Variants in CAMTA1 observed in about 807,000 individuals in gnomAD.
CAMTA1 encodes the protein calmodulin-binding transcription activator 1.
A neutral mutation model predicts 170.9 loss-of-function variants in CAMTA1; 27 were observed. The observed-to-expected ratio is 0.16, with a 90% CI of 0.12 to 0.22. The LOEUF (loss-of-function observed/expected upper bound fraction) is 0.22. CAMTA1 is among the 10% of genes least tolerant of loss of function. The pLI, the probability that CAMTA1 is intolerant of heterozygous loss-of-function variation, is 1.00. For synonymous variants in CAMTA1, 833 were observed against 891.5 expected (o/e 0.93, Z 1.17); for missense variants, 1,619 against 2,217.2 (o/e 0.73, Z 5.42).
Position 6,997,271 on chromosome 1 carries a change from G to GTC in CAMTA1, c.235-94032_235-94031insCT, listed in dbSNP as rs1697409814. ...TCTTTGTTTTTTGCTTTGTGTGTGT[G>GTC]TGTGTGCGAGCCATCAGTTTGTGAG... On this transcript the variant is annotated intron_variant, in intron 3 of 22. Coordinates refer to ENST00000303635, the MANE Select transcript of CAMTA1 (RefSeq NM_015215.4). Among the ~76,000 whole-genome samples, 5 of 152,162 alleles carry GTC rather than the reference G, an allele frequency of 3.3e-5. No homozygotes were observed. In the South Asian group the frequency reaches 1.0e-3, roughly 32 times the overall value.
At chr1:6,973,151 C>T (rs1400209000) in intron 3 of CAMTA1, among the ~76,000 whole-genome samples, 1 of 152,206 alleles carries the variant, frequency 6.6e-6, no homozygotes, top group East Asian at 1.9e-4. Context: ...CACGCCTAGC[C>T]GTCTGAACAG....
intron 3 of CAMTA1, among the ~76,000 whole-genome samples, chr1:7,015,149 A>C (rs1044649687): frequency 6.6e-6 from 1 of 152,082 alleles, no homozygotes; most frequent in Non-Finnish European, 1.5e-5. Context: ...CCAGTCCTCA[A>C]AGAGGTTCTT....
At chr1:7,290,200 ATGGCC>A (rs1672922044) in intron 5 of CAMTA1, among the ~76,000 whole-genome samples, 2 of 152,218 alleles carry the variant, frequency 1.3e-5, no homozygotes, top group Non-Finnish European at 2.9e-5. Context: ...TCGTGTGGAC[ATGGCC>A]TGGCAGAGGG....
At position 6,875,646 on chromosome 1, in the gene CAMTA1, G is replaced by A. The variant is rs972889935; in HGVS notation, c.234+50436G>A. Among the ~76,000 whole-genome samples, 6 of 152,170 alleles carry A rather than the reference G, an allele frequency of 3.9e-5. No homozygotes were observed. The East Asian group carries it at 7.7e-4, about 20-fold the overall frequency. On this transcript the variant is annotated intron_variant, in intron 3 of 22. Transcript: ENST00000303635. ...AGGCCCCTAGCTGGCTTCAACAACC[G>A]CCCCTCTTCCTGCCCCCCATGGAGG...
rs1235566484 is a variant in CAMTA1 at position 7,664,653 on chromosome 1, G to C, written c.2106G>C (p.Glu702Asp). 1.2e-6 allele frequency: 2 copies of C among 1,606,082 alleles called. No individual in the cohort carries two copies. Among genetic ancestry groups the C allele is most frequent in the Non-Finnish European group, 1.7e-6 (2 of 1,174,270 alleles). Residue 702 changes from glutamate to aspartate, a missense_variant, in exon 9 of 23, where the codon GAG (glutamate) becomes GAC (aspartate). Around this residue, in one of 8 missense-constraint regions of CAMTA1, gnomAD observed 731 missense variants for 907.6 expected, o/e 0.81. Transcript: ENST00000303635. ...CCTCGCAGGCGGCGGAAGGGAGCGAGGTCCTGCTCAAGTCTGGGGAGCTGC... is the reference window on the plus strand; with the variant it reads ...CCTCGCAGGCGGCGGAAGGGAGCGACGTCCTGCTCAAGTCTGGGGAGCTGC... The part of the protein sequence containing the change: ...METSQAAEGS[E>D]VLLKSGELQA...
intron 6 of CAMTA1, among the ~76,000 whole-genome samples, chr1:7,546,316 C>T (rs1172568191): frequency 1.3e-5 from 2 of 152,188 alleles, no homozygotes; most frequent in African/African-American, 4.8e-5. Context: ...ATCCATGTCC[C>T]TGCAAAGTAC....
chr1:7,470,576 A>G (rs1432350077), intron 6 of CAMTA1, among the ~76,000 whole-genome samples: 1 of 152,138 alleles, frequency 6.6e-6, no homozygotes, highest in Non-Finnish European at 1.5e-5. Flanking sequence ...GGTCCTCTGA[A>G]TGCAGGAGGC....
intron 5 of CAMTA1, among the ~76,000 whole-genome samples, chr1:7,279,741 G>A (rs1478753837): frequency 6.6e-6 from 1 of 152,148 alleles, no homozygotes; most frequent in Non-Finnish European, 1.5e-5. Flanking sequence ...TTTTCAGCCT[G>A]AATGCTAAAA....
At chr1:7,600,670 G>C (rs1484315569) in intron 6 of CAMTA1, among the ~76,000 whole-genome samples, 1 of 151,802 alleles carries the variant, frequency 6.6e-6, no homozygotes, top group East Asian at 1.9e-4. Context: ...TGAGATTAGG[G>C]AGTGGTGATG....
intron 6 of CAMTA1, among the ~76,000 whole-genome samples, chr1:7,600,820 A>G (rs2095434636): frequency 6.6e-6 from 1 of 151,980 alleles, no homozygotes; most frequent in African/African-American, 2.4e-5. Context: ...GATCAACAGG[A>G]TCCCAAGGCA....
At chr1:7,636,140 C>T (rs1364888036) in intron 6 of CAMTA1, among the ~76,000 whole-genome samples, 1 of 152,158 alleles carries the variant, frequency 6.6e-6, no homozygotes, top group East Asian at 1.9e-4. Context: ...CATGGAGGCT[C>T]CCGGGAAGGG....
Position 7,014,558 on chromosome 1 carries a change from A to ACT in CAMTA1, c.235-76746_235-76745insCT, listed in dbSNP as rs1700265577. 6.6e-6 allele frequency among the ~76,000 whole-genome samples: 1 copy of ACT among 152,216 alleles called. No homozygotes were observed. The highest frequency in any genetic ancestry group is 2.1e-4 in the South Asian group (1 of 4,834). ...CCTTTCTGTAACTAAAGCCCAGCCC[A>ACT]AGTATAGGGAGCAATGGCCGAGCTT... On this transcript the variant is annotated intron_variant, in intron 3 of 22. Coordinates refer to ENST00000303635, the MANE Select transcript of CAMTA1 (RefSeq NM_015215.4). The surrounding 1 kb of genome is among the most constrained non-coding windows in gnomAD (Gnocchi z 4.2).
At chr1:7,152,120 A>G (rs1646613526) in intron 4 of CAMTA1, among the ~76,000 whole-genome samples, 1 of 152,194 alleles carries the variant, frequency 6.6e-6, no homozygotes, top group South Asian at 2.1e-4. Flanking sequence ...CTGAAGTGAA[A>G]AAATTAGAAT....
chr1:7,378,909 C>T (rs1044734779), intron 5 of CAMTA1, among the ~76,000 whole-genome samples: 1 of 152,106 alleles, frequency 6.6e-6, no homozygotes, highest in African/African-American at 2.4e-5. Flanking sequence ...TCCAGCTTTT[C>T]CTTAGCTCAT....
intron 22 of CAMTA1, among the ~76,000 whole-genome samples, chr1:7,763,278 G>A (rs781560123): frequency 1.3e-5 from 2 of 151,630 alleles, no homozygotes; most frequent in Non-Finnish European, 2.9e-5. Flanking sequence ...CTCCTTGAAC[G>A]ACTTTCTGTA....
At chr1:7,181,446 A>G (rs1011085835) in intron 4 of CAMTA1, among the ~76,000 whole-genome samples, 6 of 152,220 alleles carry the variant, frequency 3.9e-5, no homozygotes, top group African/African-American at 1.4e-4. Flanking sequence ...AACCAGAACT[A>G]TCTCAGTTTG....
Position 7,333,572 on chromosome 1 carries a change from T to C in CAMTA1, c.438+83946T>C, listed in dbSNP as rs2083166290. On this transcript the variant is annotated intron_variant, in intron 5 of 22. Transcript: ENST00000303635. This position sits in a 1 kb window ranked among gnomAD's most constrained non-coding sequence, Gnocchi z 4.4. ...CAAGGCATTGGATCTTCATATTGGA[T>C]CCAGGAAGACAACTTTGTGAAAGGA... Among the ~76,000 whole-genome samples the C allele has an allele frequency of 6.6e-6, 1 of 152,148 alleles. No homozygotes were observed. The highest frequency in any genetic ancestry group is 2.4e-5 in the African/African-American group (1 of 41,440).
intron 6 of CAMTA1, among the ~76,000 whole-genome samples, chr1:7,558,996 A>G (rs773195116): frequency 5.3e-5 from 8 of 152,204 alleles, no homozygotes; most frequent in Non-Finnish European, 7.4e-5. Flanking sequence ...CCTGAAGGCC[A>G]GGGTCACTTT....
intron 5 of CAMTA1, among the ~76,000 whole-genome samples, chr1:7,341,575 A>G (rs957775107): frequency 1.3e-5 from 2 of 152,212 alleles, no homozygotes; most frequent in African/African-American, 4.8e-5. Context: ...CTCCCCTGCA[A>G]ATGACGACGA....
Sources: gnomAD v4.1 joint callset for allele counts (sites outside exome capture counted in the v4.1 genomes callset) on GRCh38, gnomAD v4.1.1 for gene constraint, gnomAD v4.1.1 regional missense constraint, Gnocchi (gnomAD v3.1) non-coding constraint, MANE v1.5 for transcripts, NCBI Gene and HGNC (gene_info 2026-07-23, HGNC 2026-07-21) for gene names.